NRXN1: variants seen among roughly 807,000 people sequenced by gnomAD.
The protein encoded by NRXN1 is neurexin-1.
Under a neutral mutation model 150.9 loss-of-function variants are expected in NRXN1, and 39 were observed. The observed-to-expected ratio is 0.26, with a 90% CI of 0.20 to 0.34. The LOEUF is 0.34. Ranked by LOEUF, NRXN1 falls within the 10% of genes least tolerant of loss-of-function variation. NRXN1 has a pLI of 1.00. For synonymous variants in NRXN1, 924 were observed against 757.0 expected (o/e 1.22, Z -3.62); for missense variants, 1,815 against 1,949.9 (o/e 0.93, Z 1.30).
intron 5 of NRXN1, among the ~76,000 whole-genome samples, chr2:50,682,426 G>T (rs976083132): frequency 2.6e-5 from 4 of 152,032 alleles, no homozygotes; most frequent in Non-Finnish European, 4.4e-5. Flanking sequence ...ACAGAATCTG[G>T]TAATAGTCTC....
In NRXN1 at chr2:50,570,847, T is replaced by G. The variant is rs574629257; in HGVS notation, c.1321-17822A>C. On this transcript the variant is annotated intron_variant, in intron 8 of 22. Coordinates refer to ENST00000401669, the MANE Select transcript of NRXN1 (RefSeq NM_001330078.2). ...GATATGATTTATTTTGATATCAAAG[T>G]GTTTTCCGCAGCTTGGTTACCTTTG... 5.3e-5 allele frequency among the ~76,000 whole-genome samples: 8 copies of G among 152,266 alleles called. No individual in the cohort carries two copies. In the East Asian group the frequency reaches 1.5e-3, roughly 29 times the overall value.
At chr2:50,353,890 G>GA (rs950718472) in intron 17 of NRXN1, among the ~76,000 whole-genome samples, 1 of 152,118 alleles carries the variant, frequency 6.6e-6, no homozygotes, top group African/African-American at 2.4e-5. Flanking sequence ...TTAAATCACA[G>GA]ATTGCTTTGC....
chr2:50,374,705 T>C (rs901277466), intron 17 of NRXN1, among the ~76,000 whole-genome samples: 5 of 152,176 alleles, frequency 3.3e-5, no homozygotes, highest in African/African-American at 1.2e-4. Context: ...ATGGTGATCT[T>C]TATGTGATGA....
chr2:49,950,476 C>A (rs776477476), intron 21 of NRXN1, among the ~76,000 whole-genome samples: 2 of 151,932 alleles, frequency 1.3e-5, no homozygotes, highest in Non-Finnish European at 2.9e-5. Context: ...ATACAAAGCA[C>A]CTCATCTATG....
In NRXN1 at chr2:50,560,790, G is replaced by A. The variant is rs192825143; in HGVS notation, c.1321-7765C>T. Among the ~76,000 whole-genome samples, 7 of 152,238 alleles carry A rather than the reference G, an allele frequency of 4.6e-5. No individual in the cohort carries two copies. In the East Asian group the frequency reaches 1.4e-3, roughly 29 times the overall value. On this transcript the variant is annotated intron_variant, in intron 8 of 22. Coordinates refer to ENST00000401669, the MANE Select transcript of NRXN1 (RefSeq NM_001330078.2). ...TTGAAAAATAAGAGTGTTTTGGGAA[G>A]GCAGCAAGTTGATCTTTTTTTCCCC...
At chr2:50,654,288 T>C (rs1686081873) in intron 5 of NRXN1, among the ~76,000 whole-genome samples, 1 of 149,126 alleles carries the variant, frequency 6.7e-6, no homozygotes, top group Admixed American at 6.7e-5. Flanking sequence ...GTTTGGTTTT[T>C]TTGTCCTTGC....
intron 17 of NRXN1, among the ~76,000 whole-genome samples, chr2:50,269,946 T>TA (rs1414930914): frequency 6.6e-6 from 1 of 152,146 alleles, no homozygotes; most frequent in Non-Finnish European, 1.5e-5. Context: ...TATTTGGACT[T>TA]ACAAAAAGCA....
chr2:50,202,004 G>A (rs1376781098), intron 18 of NRXN1, among the ~76,000 whole-genome samples: 2 of 152,118 alleles, frequency 1.3e-5, no homozygotes, highest in African/African-American at 4.8e-5. Context: ...TTGTTACTGA[G>A]TATCTCTCCT....
chr2:50,614,639 A>AT lies in NRXN1; in HGVS notation c.1320+5382_1320+5383insA, dbSNP rs1212967478. Reference sequence around the variant, plus strand: ...TACCCTAGAACTTAAAGTATAATAAAAATATATATATATATATATAAAATA... The same window carrying AT: ...TACCCTAGAACTTAAAGTATAATAAATAATATATATATATATATATAAAATA... On this transcript the variant is annotated intron_variant, in intron 8 of 22. Transcript: ENST00000401669. 3.4e-5 allele frequency among the ~76,000 whole-genome samples: 5 copies of AT among 145,004 alleles called. No individual in the cohort carries two copies. In the East Asian group the frequency reaches 1.0e-3, roughly 30 times the overall value.
intron 5 of NRXN1, among the ~76,000 whole-genome samples, chr2:50,709,003 G>A (rs1308091805): frequency 6.6e-6 from 1 of 152,144 alleles, no homozygotes; most frequent in Non-Finnish European, 1.5e-5. Flanking sequence ...ATTGCCTGCT[G>A]ATTTCTAACA....
chr2:50,242,880 A>G (rs1445708057), intron 17 of NRXN1, among the ~76,000 whole-genome samples: 1 of 151,826 alleles, frequency 6.6e-6, no homozygotes, highest in African/African-American at 2.4e-5. Flanking sequence ...TGCTCTTTAT[A>G]AATGAAAGAA....
chr2:50,182,279 G>A (rs6712423), intron 18 of NRXN1, among the ~76,000 whole-genome samples: 36,628 of 151,304 alleles, frequency 0.24, 5,468 homozygotes, highest in East Asian at 0.4. Context: ...TTTCTATAAG[G>A]TACATTTCAT....
At chr2:50,763,510 T>TTAG (rs1239036976) in intron 5 of NRXN1, among the ~76,000 whole-genome samples, 1 of 151,894 alleles carries the variant, frequency 6.6e-6, no homozygotes, top group Non-Finnish European at 1.5e-5. Flanking sequence ...CTTCAAATTA[T>TTAG]TATTATTATT....
chr2:50,519,771 C>A (rs2092734408), intron 12 of NRXN1, among the ~76,000 whole-genome samples: 1 of 151,880 alleles, frequency 6.6e-6, no homozygotes, highest in South Asian at 2.1e-4. Flanking sequence ...CACAGATGCT[C>A]CCAACCAGTT....
At chr2:50,030,905 C>T (rs115358725) in intron 21 of NRXN1, among the ~76,000 whole-genome samples, 2,423 of 152,144 alleles carry the variant, frequency 0.016, 54 homozygotes, top group African/African-American at 0.056. Context: ...AAATCCTGCA[C>T]TAACATTGTA....
chr2:49,982,324 T>A (rs1680118765), intron 21 of NRXN1, among the ~76,000 whole-genome samples: 1 of 152,302 alleles, frequency 6.6e-6, no homozygotes, highest in Non-Finnish European at 1.5e-5. Flanking sequence ...ATAAAATGTT[T>A]TTCTTTAAAA....
chr2:50,525,100 T>C (rs1289771500), intron 12 of NRXN1, among the ~76,000 whole-genome samples: 1 of 152,212 alleles, frequency 6.6e-6, no homozygotes, highest in Non-Finnish European at 1.5e-5. Flanking sequence ...TTGCATTCTT[T>C]ATCATTTTTA....
chr2:50,034,131 C>T (rs1289354171), intron 21 of NRXN1, among the ~76,000 whole-genome samples: 1 of 152,044 alleles, frequency 6.6e-6, no homozygotes, highest in Non-Finnish European at 1.5e-5. Flanking sequence ...ACCCAGCAAT[C>T]CCATTACTGA....
At chr2:50,422,864 T>C (rs1204978786) in intron 17 of NRXN1, among the ~76,000 whole-genome samples, 2 of 152,122 alleles carry the variant, frequency 1.3e-5, no homozygotes, top group Admixed American at 6.5e-5. Context: ...CATGCAAAAT[T>C]TTCCCAGGCT....
Sources: gnomAD v4.1 joint callset for allele counts (sites outside exome capture counted in the v4.1 genomes callset) on GRCh38, gnomAD v4.1.1 for gene constraint, MANE v1.5 for transcripts, NCBI Gene and HGNC (gene_info 2026-07-23, HGNC 2026-07-21) for gene names.